Variants in TRAPPC12 observed in about 807,000 individuals in gnomAD.
TRAPPC12 encodes trafficking protein particle complex subunit 12.
Under a neutral mutation model 69.2 loss-of-function variants are expected in TRAPPC12, and 61 were observed. The observed-to-expected ratio is 0.88, with a 90% CI of 0.72 to 1.09. The LOEUF is 1.09. Among genes scored for constraint, TRAPPC12 ranks in the 50% least tolerant of loss-of-function variants. The pLI, the probability that TRAPPC12 is intolerant of heterozygous loss-of-function variation, is 0.00. For missense variants in TRAPPC12, 1,101 were observed against 1,016.4 expected (o/e 1.08, Z -1.13); for synonymous variants, 469 against 438.9 (o/e 1.07, Z -0.86).
At chr2:3,473,352 T>TG (rs1666148324) in intron 9 of TRAPPC12, among the ~76,000 whole-genome samples, 1 of 152,232 alleles carries the variant, frequency 6.6e-6, no homozygotes, top group Admixed American at 6.5e-5. Flanking sequence ...TACATTAGCC[T>TG]GGGGGGATTT....
At chr2:3,454,488 G>T (rs1402868094) in intron 6 of TRAPPC12, 1 of 151,744 alleles carries the variant, frequency 6.6e-6, no homozygotes, top group Non-Finnish European at 1.5e-5. Context: ...GGTCTGGAGG[G>T]GTGTAGCCTG....
In TRAPPC12 at chr2:3,450,565, C is replaced by T. The variant is rs146246669; in HGVS notation, c.1530+6674C>T. On this transcript the variant is annotated intron_variant, in intron 6 of 11. Coordinates refer to ENST00000324266, the MANE Select transcript of TRAPPC12 (RefSeq NM_016030.6). ...CCCCCCGGGGTGGCGAGGGGGCGCA[C>T]GTCAGTGACCTCGCATGGTGCCTGC... is the stretch of plus-strand genomic sequence containing the variant. 7.4e-4 allele frequency among the ~76,000 whole-genome samples: 112 copies of T among 152,270 alleles called. 1 individual carries two copies. The highest frequency in any genetic ancestry group is 2.7e-3 in the South Asian group (13 of 4,822).
At chr2:3,472,257 A>C (rs1666091516) in intron 9 of TRAPPC12, among the ~76,000 whole-genome samples, 1 of 152,114 alleles carries the variant, frequency 6.6e-6, no homozygotes, top group Non-Finnish European at 1.5e-5. Context: ...TGAAGCTGGG[A>C]AAGACTTGAG....
chr2:3,436,768 C>T (rs1454109724), intron 5 of TRAPPC12, among the ~76,000 whole-genome samples: 2 of 149,158 alleles, frequency 1.3e-5, no homozygotes, highest in African/African-American at 2.5e-5. Context: ...ATTAATCTCC[C>T]CACTACCCCT....
intron 5 of TRAPPC12, among the ~76,000 whole-genome samples, chr2:3,431,558 C>T (rs1663441762): frequency 6.6e-6 from 1 of 152,134 alleles, no homozygotes; most frequent in Non-Finnish European, 1.5e-5. Flanking sequence ...TCTTCAGATC[C>T]CTGTACTAGC....
intron 2 of TRAPPC12, among the ~76,000 whole-genome samples, chr2:3,394,631 A>G (rs1661015386): frequency 6.6e-6 from 1 of 151,966 alleles, no homozygotes; most frequent in Non-Finnish European, 1.5e-5. Flanking sequence ...AGGTTAAAAA[A>G]AAAAAGGGGG....
chr2:3,434,595 C>A (rs1663644738), intron 5 of TRAPPC12, among the ~76,000 whole-genome samples: 1 of 152,212 alleles, frequency 6.6e-6, no homozygotes, highest in African/African-American at 2.4e-5. Context: ...GCTTGGGTCA[C>A]CGCTGCTGTC....
intron 5 of TRAPPC12, 175 bp from the exon 6 acceptor site, chr2:3,443,604 C>T: frequency 1.6e-6 from 1 of 644,858 alleles, no homozygotes. Flanking sequence ...CATAGAGCTC[C>T]ATAGAGAAAA....
At chr2:3,408,500 G>A (rs1661855510) in intron 3 of TRAPPC12, among the ~76,000 whole-genome samples, 1 of 152,046 alleles carries the variant, frequency 6.6e-6, no homozygotes, top group African/African-American at 2.4e-5. Flanking sequence ...GGTAGCACAC[G>A]CCTGTAGTCC....
intron 6 of TRAPPC12, among the ~76,000 whole-genome samples, chr2:3,454,113 G>A (rs901567569): frequency 6.6e-6 from 1 of 152,160 alleles, no homozygotes; most frequent in African/African-American, 2.4e-5. Flanking sequence ...TCCCCTTCTC[G>A]GGCTGAAGCA....
intron 5 of TRAPPC12, among the ~76,000 whole-genome samples, chr2:3,442,646 C>G (rs1437453388): frequency 6.6e-6 from 1 of 152,150 alleles, no homozygotes; most frequent in East Asian, 1.9e-4. Context: ...CACAATAGAA[C>G]TGTTTTCCAT....
In TRAPPC12 at chr2:3,391,752, C is replaced by T. The variant is rs537977217; in HGVS notation, c.1047+3082C>T. ...GATTTATTTGTCACTGAATTCTTAC[C>T]TGTACTCCCACTCCCTGGTCTTGTC... is the stretch of plus-strand genomic sequence containing the variant. On this transcript the variant is annotated intron_variant, in intron 2 of 11. Coordinates refer to ENST00000324266, the MANE Select transcript of TRAPPC12 (RefSeq NM_016030.6). Among the ~76,000 whole-genome samples the T allele has an allele frequency of 3.9e-5, 6 of 152,192 alleles. No individual in the cohort carries two copies. In the East Asian group the frequency reaches 1.2e-3, roughly 29 times the overall value.
At chr2:3,398,664 A>T (rs1661255543) in intron 2 of TRAPPC12, among the ~76,000 whole-genome samples, 1 of 152,224 alleles carries the variant, frequency 6.6e-6, no homozygotes, top group Non-Finnish European at 1.5e-5. Flanking sequence ...TCAAGAAGGG[A>T]CTACTGAGAC....
At chr2:3,457,962 C>T in intron 7 of TRAPPC12, 1 of 1,342,936 alleles carries the variant, frequency 7.4e-7, no homozygotes, top group Non-Finnish European at 9.5e-7. Context: ...CGGAACCTGC[C>T]ACGCTGAGTG....
intron 5 of TRAPPC12, among the ~76,000 whole-genome samples, chr2:3,431,832 G>T (rs1011576896): frequency 1.2e-4 from 19 of 152,122 alleles, no homozygotes; most frequent in African/African-American, 4.6e-4. Flanking sequence ...CTCTTGTGTT[G>T]TACATATTCA....
At chr2:3,457,807 G>A (rs1665246218) in intron 7 of TRAPPC12, 114 bp downstream of exon 7, 6 of 1,481,800 alleles carry the variant, frequency 4.0e-6, no homozygotes, top group African/African-American at 1.4e-5. Context: ...AGCACTGCAC[G>A]TGTCCACTCG....
In TRAPPC12 at chr2:3,477,792, A is replaced by C; in HGVS notation, c.1874A>C (p.Asn625Thr). Residue 625 changes from asparagine (N) to threonine (T), a missense_variant, in exon 10 of 12, where the codon AAC becomes ACC. By Grantham distance (65) the Asn-to-Thr change is moderately conservative. Coordinates refer to ENST00000324266, the MANE Select transcript of TRAPPC12 (RefSeq NM_016030.6). ...GLQGKIMVLMNSAFLHLGQNN... is the reference protein window; with the variant it reads ...GLQGKIMVLMTSAFLHLGQNN... ...CAGGGTAAAATCATGGTTTTGATGAACAGGTAAATATTTTAAAACTAAATA... is the reference window on the plus strand; with the variant it reads ...CAGGGTAAAATCATGGTTTTGATGACCAGGTAAATATTTTAAAACTAAATA... 1 of 1,577,642 alleles carries C rather than the reference A, an allele frequency of 6.3e-7. No homozygotes were observed. Among genetic ancestry groups the C allele is most frequent in the East Asian group, 2.2e-5 (1 of 44,542 alleles).
chr2:3,453,856 T>C (rs1271618012), intron 6 of TRAPPC12, among the ~76,000 whole-genome samples: 1 of 152,230 alleles, frequency 6.6e-6, no homozygotes, highest in Admixed American at 6.5e-5. Context: ...AATAACCTTT[T>C]GTAAATTAAT....
chr2:3,448,817 C>T (rs1016799484), intron 6 of TRAPPC12, among the ~76,000 whole-genome samples: 2 of 151,088 alleles, frequency 1.3e-5, no homozygotes, highest in African/African-American at 2.4e-5. Context: ...GGCCGAGGCT[C>T]CTGGTAAGGG....
Sources: allele counts gnomAD v4.1 joint callset (sites outside exome capture counted in the v4.1 genomes callset), GRCh38; gene constraint gnomAD v4.1.1; transcripts MANE v1.5; gene names NCBI Gene and HGNC (gene_info 2026-07-23, HGNC 2026-07-21).